The following PCDH15 variants were observed in gnomAD, a reference collection of about 807,000 sequenced individuals.
The protein encoded by PCDH15 is protocadherin related 15.
Under a neutral mutation model 178.5 loss-of-function variants are expected in PCDH15, and 129 were observed. The observed-to-expected ratio is 0.72, with a 90% CI of 0.63 to 0.84. The LOEUF is 0.84. PCDH15 is among the 40% of genes least tolerant of loss of function. The probability of loss-of-function intolerance (pLI) is 0.00; values close to 1 mark genes in which losing one functional copy is unlikely to be tolerated. For synonymous variants in PCDH15, 800 were observed against 732.0 expected, an observed-to-expected ratio of 1.09 and a Z score of -1.50; for missense variants, 2,230 against 2,099.9, an observed-to-expected ratio of 1.06 and a Z score of -1.21.
intron 2 of PCDH15, among the ~76,000 whole-genome samples, chr10:54,597,712 C>T (rs957565226): frequency 6.6e-6 from 1 of 151,746 alleles, no homozygotes; most frequent in African/African-American, 2.4e-5. Context: ...TTTTTGAAAA[C>T]ATTAATACAA....
At chr10:54,881,551 A>G (rs1231500968) in intron 3 of PCDH15, among the ~76,000 whole-genome samples, 1 of 152,018 alleles carries the variant, frequency 6.6e-6, no homozygotes, top group Non-Finnish European at 1.5e-5. Flanking sequence ...TTGCTCTTCT[A>G]TATGTTGCCT....
chr10:54,721,428 C>A (rs1209648598), intron 1 of PCDH15, among the ~76,000 whole-genome samples: 1 of 151,628 alleles, frequency 6.6e-6, no homozygotes, highest in Non-Finnish European at 1.5e-5. Flanking sequence ...CAAAAAGGAC[C>A]AATTAACAGC....
intron 2 of PCDH15, among the ~76,000 whole-genome samples, chr10:55,051,982 G>T (rs188485477): frequency 1.3e-4 from 19 of 151,186 alleles, no homozygotes; most frequent in Non-Finnish European, 2.5e-4. Flanking sequence ...TGGAGCAAAT[G>T]AAAAAATAAA....
chr10:55,058,142 C>G (rs1181736018), intron 2 of PCDH15, among the ~76,000 whole-genome samples: 1 of 152,076 alleles, frequency 6.6e-6, no homozygotes, highest in Non-Finnish European at 1.5e-5. Flanking sequence ...TCAAATGCAT[C>G]CATGTGTAAT....
Position 54,918,112 on chromosome 10 carries a change from AT to A in PCDH15, c.-79-20613del, listed in dbSNP as rs138308408. On this transcript the variant is annotated intron_variant, in intron 2 of 5. Coordinates refer to the PCDH15 transcript ENST00000458638. The stretch of plus-strand genomic sequence containing the variant: ...CCCAAACAATAGCTATGCAAAATGC[AT>A]TTTTTTCTTGCTTTTCTAGCTTGTT... Among the ~76,000 whole-genome samples, 762 of 151,266 alleles carry A rather than the reference AT, an allele frequency of 5.0e-3. 6 individuals are homozygous for A. The highest frequency in any genetic ancestry group is 0.017 in the African/African-American group (719 of 41,260).
At chr10:54,719,020 T>C (rs2095514294) in intron 1 of PCDH15, among the ~76,000 whole-genome samples, 2 of 151,824 alleles carry the variant, frequency 1.3e-5, no homozygotes, top group Admixed American at 1.3e-4. Context: ...CCAATGAATC[T>C]AAACTAAATG....
intron 21 of PCDH15, among the ~76,000 whole-genome samples, chr10:53,994,010 T>A (rs1048617362): frequency 6.6e-6 from 1 of 152,246 alleles, no homozygotes; most frequent in Non-Finnish European, 1.5e-5. Context: ...CAAAGAAATA[T>A]GAAATTTAAA....
At chr10:54,473,614 A>C (rs1366961190) in intron 3 of PCDH15, among the ~76,000 whole-genome samples, 1 of 152,068 alleles carries the variant, frequency 6.6e-6, no homozygotes, top group East Asian at 1.9e-4. Context: ...TTGCACATTC[A>C]ATATTAAAAT....
intron 8 of PCDH15, among the ~76,000 whole-genome samples, chr10:54,252,201 C>T (rs1231967169): frequency 6.6e-6 from 1 of 152,044 alleles, no homozygotes; most frequent in African/African-American, 2.4e-5. Flanking sequence ...GTACTTAGAC[C>T]CCTTGTTTCT....
At chr10:54,330,510 T>A (rs900177889) in intron 6 of PCDH15, among the ~76,000 whole-genome samples, 1 of 151,934 alleles carries the variant, frequency 6.6e-6, no homozygotes, top group Non-Finnish European at 1.5e-5. Flanking sequence ...GACCAAAATG[T>A]CATTATGCAG....
chr10:54,969,254 G>A (rs1838871474), intron 2 of PCDH15, among the ~76,000 whole-genome samples: 1 of 152,136 alleles, frequency 6.6e-6, no homozygotes, highest in Non-Finnish European at 1.5e-5. Flanking sequence ...TTACTTGGAA[G>A]CAGTGTGATC....
chr10:54,519,672 A>G (rs1408429958), intron 3 of PCDH15, among the ~76,000 whole-genome samples: 1 of 152,122 alleles, frequency 6.6e-6, no homozygotes, highest in Non-Finnish European at 1.5e-5. Flanking sequence ...CATCCCCATC[A>G]AGCTATCAAG....
chr10:54,398,436 TAGCA>T (rs1469662508), intron 3 of PCDH15, among the ~76,000 whole-genome samples: 11 of 151,968 alleles, frequency 7.2e-5, no homozygotes, highest in Admixed American at 1.3e-4. Context: ...TTTCCATCTC[TAGCA>T]ATTTTTTATA....
chr10:55,514,567 TG>T, intron 2 of PCDH15, among the ~76,000 whole-genome samples: 1 of 152,310 alleles, frequency 6.6e-6, no homozygotes, highest in South Asian at 2.1e-4. Context: ...TGTAAAAATA[TG>T]ATTAGACATA....
intron 2 of PCDH15, among the ~76,000 whole-genome samples, chr10:55,600,399 C>T (rs1316411055): frequency 6.6e-6 from 1 of 151,676 alleles, no homozygotes; most frequent in Non-Finnish European, 1.5e-5. Context: ...GACCTTGGAG[C>T]ATAATTCAAC....
intron 26 of PCDH15, among the ~76,000 whole-genome samples, chr10:53,876,937 G>A (rs7893789): frequency 0.77 from 116,776 of 151,998 alleles, 45,573 homozygotes; most frequent in East Asian, 1. Flanking sequence ...GCTGGGTTTC[G>A]GTTAGAATTT....
At chr10:54,168,414 C>G (rs2046491795) in intron 13 of PCDH15, among the ~76,000 whole-genome samples, 1 of 151,410 alleles carries the variant, frequency 6.6e-6, no homozygotes, top group African/African-American at 2.4e-5. Context: ...CCCATCTGAC[C>G]TCTCCCTTCC....
chr10:54,867,966 T>G (rs1953968267), intron 3 of PCDH15, among the ~76,000 whole-genome samples: 7 of 152,188 alleles, frequency 4.6e-5, no homozygotes. Context: ...ACCTTTAATG[T>G]TCTCACCACA....
At chr10:53,846,055 A>C (rs199874844) in intron 28 of PCDH15, among the ~76,000 whole-genome samples, 18 of 121,310 alleles carry the variant, frequency 1.5e-4, no homozygotes, top group African/African-American at 4.8e-4. Flanking sequence ...CACACAAACA[A>C]AAAAAGAATT....
Sources: gnomAD v4.1 joint callset for allele counts (sites outside exome capture counted in the v4.1 genomes callset) on GRCh38, gnomAD v4.1.1 for gene constraint, MANE v1.5 for transcripts, NCBI Gene and HGNC (gene_info 2026-07-23, HGNC 2026-07-21) for gene names.